SLC35D1: variants seen among roughly 807,000 people sequenced by gnomAD.
The protein encoded by SLC35D1 is solute carrier family 35 member D1, also known as nucleotide sugar transporter SLC35D1.
A neutral mutation model predicts 46.7 loss-of-function variants in SLC35D1; 31 were observed. The observed-to-expected ratio is 0.66, with a 90% CI of 0.50 to 0.90. SLC35D1 has a LOEUF of 0.90. SLC35D1 is among the 40% of genes least tolerant of loss of function. SLC35D1 has a pLI of 0.00. For missense variants in SLC35D1, 397 were observed against 426.2 expected (o/e 0.93, Z 0.60); for synonymous variants, 195 against 164.6 (o/e 1.18, Z -1.41).
intron 8 of SLC35D1, among the ~76,000 whole-genome samples, chr1:67,037,636 T>C (rs1668150873): frequency 6.6e-6 from 1 of 152,220 alleles, no homozygotes; most frequent in South Asian, 2.1e-4. Flanking sequence ...AAAGTTTCAA[T>C]GTCCACTTGA....
downstream of SLC35D1, among the ~76,000 whole-genome samples, chr1:66,994,569 G>A (rs762713950): frequency 1.3e-5 from 2 of 152,016 alleles, no homozygotes; most frequent in South Asian, 2.1e-4. Flanking sequence ...ACTTGAACTC[G>A]GGAGGCAGAG....
the SLC35D1 span, among the ~76,000 whole-genome samples, chr1:66,977,077 G>C: frequency 1.3e-5 from 2 of 151,592 alleles, no homozygotes; most frequent in East Asian, 3.9e-4. Context: ...CTTAAATTCA[G>C]TTCCATTCAG....
At chr1:66,987,074 G>A in the SLC35D1 span, 84 of 152,424 alleles carry the variant, frequency 5.5e-4, no homozygotes, top group Admixed American at 5.4e-3. Flanking sequence ...TATGGCACAT[G>A]TATACATTTT....
intron 6 of SLC35D1, 65 bp downstream of exon 6, chr1:67,049,717 G>T: frequency 2.9e-6 from 4 of 1,364,736 alleles, no homozygotes; most frequent in Non-Finnish European, 4.1e-6. Context: ...TTATTGATAA[G>T]CAATCATTTA....
In SLC35D1 at chr1:67,054,113, G is replaced by C. The variant is rs1645347199; in HGVS notation, c.-100C>G. The C allele has an allele frequency of 1.7e-6, 2 of 1,201,784 alleles. No homozygotes were observed. The highest frequency in any genetic ancestry group is 2.5e-5 in the Admixed American group (1 of 40,320). 74.4% of individuals were successfully genotyped at this position (1,201,784 alleles called of 1,614,324 possible). A position where few individuals can be genotyped will look rare whatever the true frequency, so the allele number is the denominator to read the frequency against. ...TCCAGGAGTTGGGGACCGCAGACTAGGCCAGCTGCGCGCTCGCCGCCTCGA... is the reference window on the plus strand; with the variant it reads ...TCCAGGAGTTGGGGACCGCAGACTACGCCAGCTGCGCGCTCGCCGCCTCGA... On this transcript the variant is annotated 5_prime_UTR_variant, in exon 1 of 12. Transcript: ENST00000235345.
At chr1:67,020,032 A>G (rs982087289) in intron 10 of SLC35D1, among the ~76,000 whole-genome samples, 1 of 152,204 alleles carries the variant, frequency 6.6e-6, no homozygotes, top group African/African-American at 2.4e-5. Flanking sequence ...GGCAGAGAAC[A>G]CAGCAGTTCT....
chr1:67,049,244 A>G (rs1645282944), intron 6 of SLC35D1, among the ~76,000 whole-genome samples: 1 of 151,916 alleles, frequency 6.6e-6, no homozygotes. Flanking sequence ...CAGTGAGCCG[A>G]GAGCCCACTA....
At chr1:66,973,711 CATTAGGACAACAG>C in the SLC35D1 span, among the ~76,000 whole-genome samples, 1 of 151,986 alleles carries the variant, frequency 6.6e-6, no homozygotes, top group South Asian at 2.1e-4. Flanking sequence ...ATGAGCAACA[CATTAGGACAACAG>C]ATTAGGACAG....
At chr1:67,049,413 A>G (rs970256636) in intron 6 of SLC35D1, among the ~76,000 whole-genome samples, 15 of 152,240 alleles carry the variant, frequency 9.9e-5, no homozygotes, top group Non-Finnish European at 5.9e-5. Context: ...TATTGAACTT[A>G]AGTTTTAGTT....
chr1:67,019,623 T>G (rs1667756703), intron 10 of SLC35D1, among the ~76,000 whole-genome samples: 1 of 152,166 alleles, frequency 6.6e-6, no homozygotes, highest in African/African-American at 2.4e-5. Context: ...AGAAAGGAAG[T>G]CACAAGGGTA....
At chr1:66,975,481 G>C in the SLC35D1 span, among the ~76,000 whole-genome samples, 1 of 151,808 alleles carries the variant, frequency 6.6e-6, no homozygotes, top group South Asian at 2.1e-4. Flanking sequence ...TAGCGGTTTG[G>C]TGCCACTGTA....
the SLC35D1 span, among the ~76,000 whole-genome samples, chr1:66,973,941 A>C: frequency 6.6e-6 from 1 of 152,046 alleles, no homozygotes; most frequent in Admixed American, 6.6e-5. Context: ...CTTCTGCCAC[A>C]GCTCTCTTTT....
chr1:66,975,990 TTG>T, the SLC35D1 span, among the ~76,000 whole-genome samples: 12 of 151,746 alleles, frequency 7.9e-5, no homozygotes, highest in Non-Finnish European at 1.0e-4. Flanking sequence ...GGCCTTTTTT[TTG>T]TGTGTGTGTG....
intron 8 of SLC35D1, among the ~76,000 whole-genome samples, chr1:67,029,977 G>C (rs998114127): frequency 1.3e-5 from 2 of 150,572 alleles, no homozygotes; most frequent in Non-Finnish European, 2.9e-5. Flanking sequence ...AAGGTCATTT[G>C]AACTGCATGT....
At chr1:66,980,308 A>G in the SLC35D1 span, among the ~76,000 whole-genome samples, 5 of 152,224 alleles carry the variant, frequency 3.3e-5, no homozygotes, top group African/African-American at 1.2e-4. Flanking sequence ...TAGGTATTCA[A>G]GACCATCTAA....
At chr1:67,042,215 A>G in intron 8 of SLC35D1, 21 bp downstream of exon 8, 1 of 1,596,170 alleles carries the variant, frequency 6.3e-7, no homozygotes, top group Non-Finnish European at 8.6e-7. Flanking sequence ...AAGCCATTAA[A>G]CCGTAATTAG....
In SLC35D1 at chr1:67,000,965, G is replaced by C. The variant is rs1183754263; in HGVS notation, c.*3375C>G. 6.6e-6 allele frequency: 1 copy of C among 152,346 alleles called. No individual in the cohort carries two copies. Among genetic ancestry groups the C allele is most frequent in the African/African-American group, 2.4e-5 (1 of 41,444 alleles). The allele number at this position is 152,346 out of a possible 1,614,324, so 9.4% of individuals were successfully genotyped here. ...CTCATAACCATGCAGGCAGCTCTTG[G>C]TTACAAAATCACGGACTCCTTTCAT... On this transcript the variant is annotated 3_prime_UTR_variant, in exon 12 of 12. Coordinates refer to ENST00000235345, the MANE Select transcript of SLC35D1 (RefSeq NM_015139.3).
chr1:67,045,048 C>T (rs968965132), intron 7 of SLC35D1, among the ~76,000 whole-genome samples: 1 of 151,996 alleles, frequency 6.6e-6, no homozygotes, highest in Non-Finnish European at 1.5e-5. Flanking sequence ...AAAAGCCATA[C>T]TGGGACAACC....
intron 8 of SLC35D1, among the ~76,000 whole-genome samples, chr1:67,034,205 TA>T (rs1484266444): frequency 9.8e-5 from 15 of 152,342 alleles, no homozygotes; most frequent in African/African-American, 2.2e-4. Context: ...AATTTTAGGA[TA>T]TTTTTTTCTA....
Sources: gnomAD v4.1 joint callset for allele counts (sites outside exome capture counted in the v4.1 genomes callset) on GRCh38, gnomAD v4.1.1 for gene constraint, MANE v1.5 for transcripts, NCBI Gene and HGNC (gene_info 2026-07-23, HGNC 2026-07-21) for gene names.